NFATC2: variants seen among roughly 807,000 people sequenced by gnomAD.
NFATC2 encodes nuclear factor of activated T-cells, cytoplasmic 2.
Under a neutral mutation model 87.3 loss-of-function variants are expected in NFATC2, and 22 were observed. The ratio of observed to expected loss-of-function variants is 0.25; its 90% CI spans 0.18 to 0.36. The LOEUF is 0.36. NFATC2 is among the 10% of genes least tolerant of loss of function. The pLI is 1.00. For missense variants in NFATC2, 1,149 were observed against 1,259.1 expected, an observed-to-expected ratio of 0.91 and a Z score of 1.32; for synonymous variants, 565 against 542.2, an observed-to-expected ratio of 1.04 and a Z score of -0.58.
rs538850672 is a variant in NFATC2, at chr20:51,473,807, G to A, written c.1708+173C>T. On this transcript the variant is annotated intron_variant, in intron 5 of 10. Transcript: ENST00000371564. ...TCAATAGAAGCAGCAAGAGAACACT[G>A]CAATGTGCTCTGTCTCTGTCCCCTC... Among the ~76,000 whole-genome samples, 9 of 152,286 alleles carry A rather than the reference G, an allele frequency of 5.9e-5. No homozygotes were observed. The South Asian group carries it at 1.7e-3, about 28-fold the overall frequency.
Position 51,390,846 on chromosome 20 carries a change from G to A in NFATC2, c.*650C>T, listed in dbSNP as rs545220214. On this transcript the variant is annotated 3_prime_UTR_variant, in exon 11 of 11. Coordinates refer to ENST00000371564, the MANE Select transcript of NFATC2 (RefSeq NM_012340.5). ...GGCCCAGTTGTGGCATGGACTGGGC[G>A]AGCTCTAAGGACTGACAGTTCAGTT... The A allele has an allele frequency of 4.9e-5, 9 of 183,116 alleles. No individual in the cohort carries two copies. The highest frequency in any genetic ancestry group is 1.9e-4 in the African/African-American group (8 of 42,542). 11.3% of individuals were successfully genotyped at this position (183,116 alleles called of 1,614,324 possible).
In NFATC2 at chr20:51,431,138, C is replaced by T. The variant is rs1982642938; in HGVS notation, c.2722+929G>A. 2.6e-5 allele frequency among the ~76,000 whole-genome samples: 4 copies of T among 152,200 alleles called. No homozygotes were observed. The South Asian group carries it at 8.3e-4, about 32-fold the overall frequency. On this transcript the variant is annotated intron_variant, in intron 9 of 10. Transcript: ENST00000371564. ...CCTGTCTCCAAACATCTCATGTACC[C>T]CACAAATATATATACCTGCTCTATA...
intron 9 of NFATC2, among the ~76,000 whole-genome samples, chr20:51,410,314 A>G (rs553135773): frequency 6.6e-6 from 1 of 151,288 alleles, no homozygotes; most frequent in East Asian, 1.9e-4. Context: ...TTTAGGTGTG[A>G]TAACAATATC....
At chr20:51,515,947 A>G (rs1051233936) in intron 3 of NFATC2, among the ~76,000 whole-genome samples, 16 of 152,210 alleles carry the variant, frequency 1.1e-4, no homozygotes, top group Non-Finnish European at 1.6e-4. Flanking sequence ...TATCATATTA[A>G]TAGGATACTT....
intron 10 of NFATC2, 57 bp downstream of exon 10, chr20:51,398,586 C>A (rs1458619334): frequency 2.4e-6 from 3 of 1,275,130 alleles, no homozygotes; most frequent in East Asian, 2.4e-5. Context: ...AAAAAAAATT[C>A]AAGTTAAGGA....
rs112408462 is a variant in NFATC2, at chr20:51,541,552, G to A, written c.130+818C>T. Among the ~76,000 whole-genome samples, 403 of 152,324 alleles carry A rather than the reference G, an allele frequency of 2.6e-3. 2 individuals are homozygous for A. The highest frequency in any genetic ancestry group is 8.9e-3 in the African/African-American group (372 of 41,570). ...CCCCAGCCCCCAGCAACTGAGGGCAGTTGGAGGCACAGAGTGACAAAGTTC... is the reference window on the plus strand; with the variant it reads ...CCCCAGCCCCCAGCAACTGAGGGCAATTGGAGGCACAGAGTGACAAAGTTC... On this transcript the variant is annotated intron_variant, in intron 1 of 10. Coordinates refer to ENST00000371564, the MANE Select transcript of NFATC2 (RefSeq NM_012340.5).
intron 1 of NFATC2, among the ~76,000 whole-genome samples, chr20:51,530,259 C>T (rs1395380016): frequency 2.6e-5 from 4 of 152,080 alleles, no homozygotes; most frequent in South Asian, 4.2e-4. Flanking sequence ...CTCCGCCTCC[C>T]GGGTTCAAGC....
chr20:51,459,304 A>G (rs564426242), intron 5 of NFATC2, among the ~76,000 whole-genome samples: 2 of 152,294 alleles, frequency 1.3e-5, no homozygotes, highest in Admixed American at 6.5e-5. Flanking sequence ...CCAGACACAA[A>G]AGGACAAATG....
chr20:51,417,350 G>A (rs1227422662), intron 9 of NFATC2, among the ~76,000 whole-genome samples: 2 of 151,970 alleles, frequency 1.3e-5, no homozygotes, highest in African/African-American at 4.8e-5. Context: ...CTCAACCCGC[G>A]AGGCCTGTCC....
chr20:51,533,095 A>T (rs1430159378), intron 1 of NFATC2, among the ~76,000 whole-genome samples: 1 of 152,182 alleles, frequency 6.6e-6, no homozygotes, highest in Non-Finnish European at 1.5e-5. Flanking sequence ...CACAGCTGGC[A>T]CCGCAGATCT....
intron 3 of NFATC2, among the ~76,000 whole-genome samples, chr20:51,504,190 T>A (rs1412364413): frequency 6.6e-6 from 1 of 152,152 alleles, no homozygotes; most frequent in Non-Finnish European, 1.5e-5. Context: ...ACCCAGCTAA[T>A]TTTGTATTTT....
At chr20:51,431,346 C>A (rs142182563) in intron 9 of NFATC2, among the ~76,000 whole-genome samples, 43 of 152,254 alleles carry the variant, frequency 2.8e-4, no homozygotes, top group African/African-American at 9.6e-4. Flanking sequence ...GATCCTGGAC[C>A]AACACCTCAT....
At chr20:51,447,944 A>G (rs1301613001) in intron 6 of NFATC2, among the ~76,000 whole-genome samples, 1 of 152,196 alleles carries the variant, frequency 6.6e-6, no homozygotes, top group African/African-American at 2.4e-5. Flanking sequence ...GACATCTGTG[A>G]GCCTCAGTTA....
intron 9 of NFATC2, among the ~76,000 whole-genome samples, chr20:51,414,514 C>G (rs1333233734): frequency 3.9e-5 from 6 of 151,956 alleles, no homozygotes; most frequent in Admixed American, 3.9e-4. Flanking sequence ...CATGGCAAAA[C>G]TCCATCTCTA....
chr20:51,432,766 GA>G lies in NFATC2; in HGVS notation c.2033-11del. ...GTCTTGATGGCTGGGACTGGGAGGA[GA>G]AAAGAGCACATAGGGGCGCCCATGG... On this transcript the variant is annotated splice_polypyrimidine_tract_variant and intron_variant, in intron 8 of 10. Transcript: ENST00000371564. This position sits in a 1 kb window ranked among gnomAD's most constrained non-coding sequence, Gnocchi z 4.6. The G allele has an allele frequency of 6.4e-7, 1 of 1,557,764 alleles. No homozygotes were observed. Among genetic ancestry groups the G allele is most frequent in the Non-Finnish European group, 8.6e-7 (1 of 1,161,620 alleles).
At chr20:51,488,874 C>T (rs139214314) in intron 3 of NFATC2, among the ~76,000 whole-genome samples, 62 of 152,330 alleles carry the variant, frequency 4.1e-4, no homozygotes, top group African/African-American at 1.5e-3. Flanking sequence ...AAAATCCCCC[C>T]ATGGCTTCCC....
chr20:51,461,261 C>T (rs1987115590), intron 5 of NFATC2, among the ~76,000 whole-genome samples: 1 of 152,204 alleles, frequency 6.6e-6, no homozygotes, highest in Non-Finnish European at 1.5e-5. Context: ...GGCTTGCACC[C>T]ACCCTCCTCA....
intron 1 of NFATC2, among the ~76,000 whole-genome samples, chr20:51,553,269 C>T (rs2076949417): frequency 6.6e-6 from 1 of 152,184 alleles, no homozygotes; most frequent in African/African-American, 2.4e-5. Flanking sequence ...GCTGCAGAGT[C>T]TTGATTCCTT....
intron 10 of NFATC2, among the ~76,000 whole-genome samples, chr20:51,394,235 C>T (rs116128315): frequency 0.016 from 2,435 of 152,132 alleles, 78 homozygotes; most frequent in African/African-American, 0.056. Flanking sequence ...AGAGTAGAGC[C>T]ACACTGGGCT....
Sources: gnomAD v4.1 joint callset for allele counts (sites outside exome capture counted in the v4.1 genomes callset) on GRCh38, gnomAD v4.1.1 for gene constraint, Gnocchi (gnomAD v3.1) non-coding constraint, MANE v1.5 for transcripts, NCBI Gene and HGNC (gene_info 2026-07-23, HGNC 2026-07-21) for gene names.